The following GRB10 variants were observed in gnomAD, a reference collection of about 807,000 sequenced individuals.
GRB10 encodes growth factor receptor bound protein 10.
Under a neutral mutation model 80.9 loss-of-function variants are expected in GRB10, and 20 were observed. The ratio of observed to expected loss-of-function variants is 0.25; its 90% CI spans 0.17 to 0.36. The LOEUF (loss-of-function observed/expected upper bound fraction) is 0.36. Among genes scored for constraint, GRB10 ranks in the 10% least tolerant of loss-of-function variants. The probability of loss-of-function intolerance (pLI) is 1.00; values close to 1 mark genes in which losing one functional copy is unlikely to be tolerated. For missense variants in GRB10, 548 were observed against 747.7 expected, an observed-to-expected ratio of 0.73 and a Z score of 3.12; for synonymous variants, 291 against 291.5, an observed-to-expected ratio of 1.00 and a Z score of 0.02.
At chr7:50,740,972 A>G (rs759743329) in intron 3 of GRB10, among the ~76,000 whole-genome samples, 1 of 152,246 alleles carries the variant, frequency 6.6e-6, no homozygotes, top group Non-Finnish European at 1.5e-5. Flanking sequence ...TGTCACTTAA[A>G]GCAAAGAAAC....
intron 9 of GRB10, 144 bp from the exon 10 acceptor site, chr7:50,618,283 T>A: frequency 1.4e-6 from 1 of 704,368 alleles, no homozygotes; most frequent in East Asian, 2.7e-5. Flanking sequence ...CTTTTTATTC[T>A]CCTATCACAC....
intron 2 of GRB10, among the ~76,000 whole-genome samples, chr7:50,770,070 C>T (rs974875004): frequency 1.3e-5 from 2 of 152,184 alleles, no homozygotes. Flanking sequence ...ACAGCCCCCA[C>T]ACTCAAGCTG....
chr7:50,735,098 T>C (rs901336108), intron 3 of GRB10, among the ~76,000 whole-genome samples: 5 of 152,202 alleles, frequency 3.3e-5, no homozygotes, highest in African/African-American at 1.2e-4. Flanking sequence ...TCAGAGCTAG[T>C]AAATGAGTTC....
chr7:50,610,955 C>T (rs1224170133), intron 13 of GRB10, among the ~76,000 whole-genome samples: 1 of 151,994 alleles, frequency 6.6e-6, no homozygotes, highest in Non-Finnish European at 1.5e-5. Context: ...GAATTCATAG[C>T]TTCTTGGAGT....
intron 7 of GRB10, among the ~76,000 whole-genome samples, chr7:50,658,669 C>T (rs2058900875): frequency 6.6e-6 from 1 of 152,194 alleles, no homozygotes; most frequent in African/African-American, 2.4e-5. Context: ...GTATTCAATG[C>T]TACAGTAAAA....
chr7:50,647,753 A>C (rs1193608205), intron 7 of GRB10, among the ~76,000 whole-genome samples: 1 of 152,208 alleles, frequency 6.6e-6, no homozygotes, highest in Non-Finnish European at 1.5e-5. Context: ...TCCCATGACG[A>C]CACAGGCAAG....
chr7:50,781,006 C>CTTT (rs1442817577), intron 1 of GRB10: 2 of 152,202 alleles, frequency 1.3e-5, no homozygotes, highest in Non-Finnish European at 2.9e-5. Context: ...TTAGGAGACA[C>CTTT]TAAAAATAAC....
intron 8 of GRB10, 77 bp downstream of exon 8, chr7:50,626,738 ACATTTGG>A: frequency 3.3e-6 from 5 of 1,501,542 alleles, no homozygotes; most frequent in Non-Finnish European, 3.7e-6. Context: ...CTGCGGTCAC[ACATTTGG>A]CATTTGGCAG....
rs2153591466 is a variant in GRB10, at chr7:50,626,955, A to G, written c.528T>C (p.Asp176=). Residue 176 remains aspartate (D), a synonymous_variant, in exon 8 of 19, where the codon GAT becomes GAC. Transcript: ENST00000401949. The stretch of plus-strand genomic sequence containing the variant: ...GAATCTCCACCACTTTGCTTGTCCC[A>G]TCTTCACTAAAGACTTTAACATCCT... The part of the protein sequence containing the change: ...AKQDVKVFSE[D]GTSKVVEILA... 2 of 1,614,190 alleles carry G rather than the reference A, an allele frequency of 1.2e-6. No homozygotes were observed. The highest frequency in any genetic ancestry group is 1.3e-5 in the African/African-American group (1 of 75,044).
chr7:50,775,168 AAAAAAC>A (rs1247371817), intron 2 of GRB10, among the ~76,000 whole-genome samples: 8,089 of 132,694 alleles, frequency 0.061, 1,754 homozygotes, highest in Admixed American at 0.17. Context: ...CTCCAAAAAA[AAAAAAC>A]AAAAAAAAAC....
intron 2 of GRB10, among the ~76,000 whole-genome samples, chr7:50,772,087 G>A (rs1172329536): frequency 6.6e-6 from 1 of 152,042 alleles, no homozygotes; most frequent in Non-Finnish European, 1.5e-5. Context: ...CTATTCAGGC[G>A]ACCTCCTTCA....
At chr7:50,746,472 G>A (rs923370896) in intron 3 of GRB10, among the ~76,000 whole-genome samples, 4 of 152,074 alleles carry the variant, frequency 2.6e-5, no homozygotes, top group African/African-American at 4.8e-5. Flanking sequence ...ACCTAAGACC[G>A]GGATTCTAAT....
intron 17 of GRB10, among the ~76,000 whole-genome samples, chr7:50,600,599 G>A (rs1359031095): frequency 6.6e-6 from 1 of 152,146 alleles, no homozygotes; most frequent in Admixed American, 6.5e-5. Flanking sequence ...AGGAAGGAGA[G>A]AGGGGGGAAA....
At chr7:50,610,574 G>A (rs915667069) in intron 13 of GRB10, among the ~76,000 whole-genome samples, 1 of 152,226 alleles carries the variant, frequency 6.6e-6, no homozygotes, top group African/African-American at 2.4e-5. Flanking sequence ...AAGCATGGTA[G>A]TGAGGAAAGG....
At chr7:50,619,986 G>T (rs2051396717) in intron 8 of GRB10, among the ~76,000 whole-genome samples, 1 of 152,188 alleles carries the variant, frequency 6.6e-6, no homozygotes. Context: ...TAGCAGCACT[G>T]TCCCCCAGAA....
At chr7:50,705,637 C>A (rs2064937730) in intron 4 of GRB10, among the ~76,000 whole-genome samples, 1 of 152,216 alleles carries the variant, frequency 6.6e-6, no homozygotes, top group Admixed American at 6.5e-5. Flanking sequence ...CTGATAAACA[C>A]TGAATCATAA....
Position 50,592,007 on chromosome 7 carries a change from C to T in GRB10, c.*945G>A, listed in dbSNP as rs943220599. Reference sequence around the variant, plus strand: ...GGGTAAGGCAGTGATCGTTCTAGAACAGGCTGAAGGCTGTGGAAACGCAAG... The same window carrying T: ...GGGTAAGGCAGTGATCGTTCTAGAATAGGCTGAAGGCTGTGGAAACGCAAG... On this transcript the variant is annotated 3_prime_UTR_variant, in exon 19 of 19. Coordinates refer to ENST00000401949, the MANE Select transcript of GRB10 (RefSeq NM_001350814.2). 4 of 152,254 alleles carry T rather than the reference C, an allele frequency of 2.6e-5. No homozygotes were observed. The highest frequency in any genetic ancestry group is 1.9e-4 in the East Asian group (1 of 5,196). 9.4% of individuals were successfully genotyped at this position (152,254 alleles called of 1,614,324 possible). A position where few individuals can be genotyped will look rare whatever the true frequency, so the allele number is the denominator to read the frequency against.
chr7:50,723,812 G>A (rs765565114), intron 4 of GRB10, among the ~76,000 whole-genome samples: 54 of 152,192 alleles, frequency 3.5e-4, no homozygotes, highest in Non-Finnish European at 6.2e-4. Flanking sequence ...CCTCCAAAAC[G>A]GTGTAGACTC....
chr7:50,784,346 A>G (rs2078597802), upstream of GRB10, among the ~76,000 whole-genome samples: 1 of 152,224 alleles, frequency 6.6e-6, no homozygotes, highest in Non-Finnish European at 1.5e-5. Context: ...TCCAGATATG[A>G]GACTTTTCTG....
Sources: allele counts gnomAD v4.1 joint callset (sites outside exome capture counted in the v4.1 genomes callset), GRCh38; gene constraint gnomAD v4.1.1; transcripts MANE v1.5; gene names NCBI Gene and HGNC (gene_info 2026-07-23, HGNC 2026-07-21).